TLR8: variants seen among roughly 807,000 people sequenced by gnomAD.
The protein encoded by TLR8 is toll-like receptor 8.
A neutral mutation model predicts 18.5 loss-of-function variants in TLR8; 5 were observed. That is an observed-to-expected ratio of 0.27 (90% CI 0.14 to 0.57). TLR8 has a LOEUF of 0.57. Among genes scored for constraint, TLR8 ranks in the 20% least tolerant of loss-of-function variants. The pLI, the probability that TLR8 is intolerant of heterozygous loss-of-function variation, is 0.92. For synonymous variants in TLR8, 299 were observed against 300.1 expected (o/e 1.00, Z 0.04); for missense variants, 543 against 769.8 (o/e 0.71, Z 3.49).
At chrX:12,910,272 A>G in intron 1 of TLR8, 1 of 1,103,480 alleles carries the variant, frequency 9.1e-7, no homozygotes, top group Admixed American at 3.4e-5. Context: ...AAGTAATTCA[A>G]CTGAGGAGAT....
Position 12,921,341 on chromosome X carries a change from G to A in TLR8, c.2301G>A (p.Leu767=). ...AGACCACCACCAAATTATCTATGTTGGAACTACACGGAAACCCCTTTGAAT... is the reference window on the plus strand; with the variant it reads ...AGACCACCACCAAATTATCTATGTTAGAACTACACGGAAACCCCTTTGAAT... ...ETKTTTKLSM[L]ELHGNPFECT... is the part of the protein sequence containing the mutation. Residue 767 remains leucine (L), a synonymous_variant, in exon 2 of 2, where the codon TTG becomes TTA. Transcript: ENST00000218032. The A allele has an allele frequency of 8.3e-7, 1 of 1,211,459 alleles. No individual in the cohort carries two copies. The highest frequency in any genetic ancestry group is 1.1e-6 in the Non-Finnish European group (1 of 895,457).
rs2043107819 is a variant in TLR8 at position 12,923,133 on chromosome X, T to A, written c.*967T>A. The stretch of plus-strand genomic sequence containing the variant: ...TATTGTTAATTGCCATTGCTGTAAA[T>A]CTTAAAATGAATGAATAAAAATGTT... On this transcript the variant is annotated 3_prime_UTR_variant, in exon 2 of 2. Coordinates refer to ENST00000218032, the MANE Select transcript of TLR8 (RefSeq NM_138636.5). The A allele has an allele frequency of 2.7e-5, 3 of 112,040 alleles. No individual in the cohort carries two copies. In the South Asian group the frequency reaches 1.1e-3, roughly 41 times the overall value. The allele number at this position is 112,040 out of a possible 1,213,427, so 9.2% of individuals were successfully genotyped here. A position where few individuals can be genotyped will look rare whatever the true frequency, so the allele number is the denominator to read the frequency against.
chrX:12,910,406 A>C (rs1464228855), intron 1 of TLR8: 1 of 1,168,080 alleles, frequency 8.6e-7, no homozygotes, highest in African/African-American at 1.8e-5. Context: ...CATCTTTGCA[A>C]AATAGCTCCT....
Position 12,919,605 on chromosome X carries a change from A to G in TLR8, c.565A>G (p.Lys189Glu). 8.3e-7 allele frequency: 1 copy of G among 1,209,415 alleles called. No homozygotes were observed. Among genetic ancestry groups the G allele is most frequent in the Non-Finnish European group, 1.1e-6 (1 of 894,704 alleles). ...CTGCTATTTTAACAAAGTTTGCGAG[A>G]AAACTAACATAGAAGATGGAGTATT... Reference protein sequence around the residue: ...WNCYFNKVCEKTNIEDGVFET... With the variant: ...WNCYFNKVCEETNIEDGVFET... The change falls in exon 2 of 2, where the codon AAA becomes GAA. Residue 189 changes from lysine to glutamate, a missense_variant. By Grantham distance (56) the Lys-to-Glu change is moderately conservative. Around this residue, in one of 4 missense-constraint regions of TLR8, gnomAD observed 185 missense variants for 298.9 expected, o/e 0.62. Coordinates refer to ENST00000218032, the MANE Select transcript of TLR8 (RefSeq NM_138636.5).
intron 1 of TLR8, among the ~76,000 whole-genome samples, chrX:12,914,719 C>G (rs1288392811): frequency 9.0e-6 from 1 of 111,475 alleles, no homozygotes; most frequent in Non-Finnish European, 1.9e-5. Flanking sequence ...TTGCCACCAC[C>G]CTAGTTCAAA....
chrX:12,911,600 G>T (rs746714966), intron 1 of TLR8, among the ~76,000 whole-genome samples: 91 of 112,275 alleles, frequency 8.1e-4, no homozygotes, highest in Non-Finnish European at 1.5e-3. Flanking sequence ...GGTACCAGGG[G>T]TTAGAACTTC....
rs2043081954 is a variant in TLR8, at chrX:12,919,868, T to C, written c.828T>C (p.Ile276=). 7 of 1,211,703 alleles carry C rather than the reference T, an allele frequency of 5.8e-6. No individual in the cohort carries two copies. The highest frequency in any genetic ancestry group is 1.7e-5 in the African/African-American group (1 of 57,787). The stretch of plus-strand genomic sequence containing the variant: ...TGCCTTGTGATGGTGGTGCTTCAAT[T>C]AATATAGATCGTTTTGCTTTTCAAA... The part of the protein sequence containing the change: ...PCVPCDGGAS[I]NIDRFAFQNL... Residue 276 remains isoleucine (I), a synonymous_variant, in exon 2 of 2, where the codon ATT becomes ATC. Transcript: ENST00000218032.
chrX:12,919,467 G>A lies in TLR8; in HGVS notation c.427G>A (p.Gly143Ser), dbSNP rs1256364790. Reference protein sequence around the residue: ...EDNQLPQIPSGLPESLTELSL... With the variant: ...EDNQLPQIPSSLPESLTELSL... ...CAACCAGTTACCCCAAATACCCTCT[G>A]GTTTGCCAGAGTCTTTGACAGAACT... The change falls in exon 2 of 2, where the codon GGT (glycine) becomes AGT (serine). Residue 143 changes from glycine (G) to serine (S), a missense_variant. Around this residue, in one of 4 missense-constraint regions of TLR8, gnomAD observed 117 missense variants for 111.0 expected, o/e 1.05. Transcript: ENST00000218032. The A allele has an allele frequency of 8.3e-7, 1 of 1,210,431 alleles. No homozygotes were observed. Among genetic ancestry groups the A allele is most frequent in the East Asian group, 3.0e-5 (1 of 33,852 alleles).
In TLR8 at chrX:12,919,549, T is replaced by G; in HGVS notation, c.509T>G (p.Ile170Arg). ...NITKEGISRL[I>R]NLKNLYLAWN... ...ACTAAAGAGGGCATTTCAAGACTTA[T>G]AAACTTGAAAAATCTCTATTTGGCC... The change falls in exon 2 of 2, where the codon ATA (isoleucine) becomes AGA (arginine). Residue 170 changes from isoleucine to arginine, a missense_variant. This residue lies in a region of TLR8 where 185 missense variants were observed against 298.9 expected (regional missense o/e 0.62). Coordinates refer to ENST00000218032, the MANE Select transcript of TLR8 (RefSeq NM_138636.5). 2 of 1,204,626 alleles carry G rather than the reference T, an allele frequency of 1.7e-6. No homozygotes were observed. The highest frequency in any genetic ancestry group is 2.2e-6 in the Non-Finnish European group (2 of 892,739).
At chrX:12,908,705 GTTTTTTTAGGTGGCTAGAAA>G (rs2043001349) in intron 1 of TLR8, among the ~76,000 whole-genome samples, 1 of 112,474 alleles carries the variant, frequency 8.9e-6, no homozygotes, top group African/African-American at 3.2e-5. Context: ...AGCACAGTCC[GTTTTTTTAGGTGGCTAGAAA>G]TGCTCCAGGA....
chrX:12,915,692 A>G (rs1416445245), intron 1 of TLR8, among the ~76,000 whole-genome samples: 1 of 112,307 alleles, frequency 8.9e-6, no homozygotes, highest in South Asian at 3.6e-4. Flanking sequence ...GCCTTGTCTT[A>G]GACCCACACC....
At position 12,922,393 on chromosome X, in the gene TLR8, G is replaced by C. The variant is rs191211705; in HGVS notation, c.*227G>C. Reference sequence around the variant, plus strand: ...ATGTAGGTGTTCACCAGAGACATAGGCATCACTGGGGTCACACTCATGTGG... The same window carrying C: ...ATGTAGGTGTTCACCAGAGACATAGCCATCACTGGGGTCACACTCATGTGG... On this transcript the variant is annotated 3_prime_UTR_variant, in exon 2 of 2. Coordinates refer to ENST00000218032, the MANE Select transcript of TLR8 (RefSeq NM_138636.5). 2.6e-6 allele frequency: 1 copy of C among 390,506 alleles called. No homozygotes were observed. The highest frequency in any genetic ancestry group is 2.6e-5 in the African/African-American group (1 of 38,941). The allele number at this position is 390,506 out of a possible 1,213,427, so 32.2% of individuals were successfully genotyped here.
Position 12,919,163 on chromosome X carries a change from A to C in TLR8, c.123A>C (p.Gln41His), listed in dbSNP as rs371285063. ...SRSYPCDEKKQNDSVIAECSN... is the reference protein window; with the variant it reads ...SRSYPCDEKKHNDSVIAECSN... ...GCTATCCTTGTGATGAGAAAAAGCAAAATGACTCAGTTATTGCAGAGTGCA... is the reference window on the plus strand; with the variant it reads ...GCTATCCTTGTGATGAGAAAAAGCACAATGACTCAGTTATTGCAGAGTGCA... The change falls in exon 2 of 2, where the codon CAA (glutamine) becomes CAC (histidine). Residue 41 changes from glutamine (Q) to histidine (H), a missense_variant. Transcript: ENST00000218032. 7 of 1,210,638 alleles carry C rather than the reference A, an allele frequency of 5.8e-6. No individual in the cohort carries two copies. In the African/African-American group the frequency reaches 1.2e-4, roughly 21 times the overall value.
At chrX:12,913,678 A>G (rs2043035752) in intron 1 of TLR8, among the ~76,000 whole-genome samples, 1 of 112,595 alleles carries the variant, frequency 8.9e-6, no homozygotes, top group African/African-American at 3.2e-5. Flanking sequence ...ACATTTGCAT[A>G]TATGAGGGTG....
chrX:12,914,061 G>C (rs1279101462), intron 1 of TLR8, among the ~76,000 whole-genome samples: 1 of 111,449 alleles, frequency 9.0e-6, no homozygotes, highest in Non-Finnish European at 1.9e-5. Context: ...CTAACATATT[G>C]ATGAAACAGA....
Position 12,917,496 on chromosome X carries a change from C to A in TLR8, c.4-1548C>A, listed in dbSNP as rs146878112. Among the ~76,000 whole-genome samples the A allele has an allele frequency of 4.0e-3, 453 of 112,384 alleles. 12 individuals are homozygous for A. Among genetic ancestry groups the A allele is most frequent in the Admixed American group, 0.029 (310 of 10,654 alleles). On this transcript the variant is annotated intron_variant, in intron 1 of 1. Coordinates refer to ENST00000218032, the MANE Select transcript of TLR8 (RefSeq NM_138636.5). ...GGAGAATTTTTAAAAAGGCACTTAT[C>A]TGGTTTAATCCATAATAAAGACATG...
chrX:12,917,313 C>T (rs1351214743), intron 1 of TLR8, among the ~76,000 whole-genome samples: 5 of 112,393 alleles, frequency 4.4e-5, no homozygotes, highest in Non-Finnish European at 1.9e-5. Flanking sequence ...TTCTGCTCCA[C>T]TTTAATTTCC....
At position 12,921,827 on chromosome X, in the gene TLR8, C is replaced by T. The variant is rs5744084; in HGVS notation, c.2787C>T (p.Ile929=). The change falls in exon 2 of 2, where the codon ATC becomes ATT. Residue 929 remains isoleucine (I), a synonymous_variant. Transcript: ENST00000218032. ...ERDWDPGLAI[I]DNLMQSINQS... is the part of the protein sequence containing the mutation. ...ATTGGGACCCGGGATTGGCCATCAT[C>T]GACAACCTCATGCAGAGCATCAACC... 41 of 1,209,868 alleles carry T rather than the reference C, an allele frequency of 3.4e-5. No homozygotes were observed. The highest frequency in any genetic ancestry group is 8.9e-5 in the East Asian group (3 of 33,811).
chrX:12,919,073 G>C lies in TLR8; in HGVS notation c.33G>C (p.Leu11=). The C allele has an allele frequency of 1.7e-6, 2 of 1,208,498 alleles. No homozygotes were observed. The highest frequency in any genetic ancestry group is 2.2e-6 in the Non-Finnish European group (2 of 893,646). ...ACATGTTCCTTCAGTCGTCAATGCT[G>C]ACCTGCATTTTCCTGCTAATATCTG... is the stretch of plus-strand genomic sequence containing the variant. MENMFLQSSM[L]TCIFLLISGS... The change falls in exon 2 of 2, where the codon CTG becomes CTC. Residue 11 remains leucine, a synonymous_variant. Transcript: ENST00000218032.
Sources: gnomAD v4.1 joint callset for allele counts (sites outside exome capture counted in the v4.1 genomes callset) on GRCh38, gnomAD v4.1.1 for gene constraint, gnomAD v4.1.1 regional missense constraint, MANE v1.5 for transcripts, NCBI Gene and HGNC (gene_info 2026-07-23, HGNC 2026-07-21) for gene names.